Variants in PDGFD observed in about 807,000 individuals in gnomAD.
The protein encoded by PDGFD is platelet-derived growth factor D.
Under a neutral mutation model 44.7 loss-of-function variants are expected in PDGFD, and 30 were observed. The ratio of observed to expected loss-of-function variants is 0.67; its 90% confidence interval spans 0.50 to 0.91. The LOEUF (loss-of-function observed/expected upper bound fraction) is 0.91. Among genes scored for constraint, PDGFD ranks in the 40% least tolerant of loss-of-function variants. The pLI, the probability that PDGFD is intolerant of heterozygous loss-of-function variation, is 0.00. For missense variants in PDGFD, 445 were observed against 457.8 expected (o/e 0.97, Z 0.25); for synonymous variants, 173 against 168.4 (o/e 1.03, Z -0.21).
chr11:103,954,408 G>A (rs1357788518), intron 3 of PDGFD, among the ~76,000 whole-genome samples: 2 of 152,182 alleles, frequency 1.3e-5, no homozygotes, highest in African/African-American at 4.8e-5. Context: ...AAACATTTGG[G>A]ATGATTAGTT....
At chr11:104,033,080 T>C (rs1487608741) in intron 1 of PDGFD, among the ~76,000 whole-genome samples, 4 of 148,946 alleles carry the variant, frequency 2.7e-5, no homozygotes, top group South Asian at 4.2e-4. Flanking sequence ...GTGTGTAATA[T>C]ATTTTATATA....
At chr11:104,019,589 A>T (rs1859919402) in intron 1 of PDGFD, among the ~76,000 whole-genome samples, 1 of 152,234 alleles carries the variant, frequency 6.6e-6, no homozygotes. Flanking sequence ...ACAAAGTGAG[A>T]TATATAGCTG....
At chr11:104,042,619 C>T (rs1441057128) in intron 1 of PDGFD, among the ~76,000 whole-genome samples, 1 of 152,140 alleles carries the variant, frequency 6.6e-6, no homozygotes, top group Non-Finnish European at 1.5e-5. Context: ...ATGTTAAAGT[C>T]CCTAGGAGGC....
chr11:104,035,042 A>G (rs1308246064), intron 1 of PDGFD, among the ~76,000 whole-genome samples: 3 of 151,850 alleles, frequency 2.0e-5, no homozygotes, highest in African/African-American at 7.3e-5. Context: ...ACAGCCTTGT[A>G]TGTGTGTGTG....
intron 1 of PDGFD, among the ~76,000 whole-genome samples, chr11:104,017,219 C>T (rs774238575): frequency 6.6e-6 from 1 of 152,196 alleles, no homozygotes; most frequent in Non-Finnish European, 1.5e-5. Context: ...ACTTCCCAGC[C>T]TGTAGAAATG....
At chr11:104,142,649 T>C (rs1862102575) in intron 1 of PDGFD, among the ~76,000 whole-genome samples, 1 of 152,200 alleles carries the variant, frequency 6.6e-6, no homozygotes, top group Non-Finnish European at 1.5e-5. Flanking sequence ...TAAATGAGAA[T>C]TGGAGATGTG....
At chr11:103,952,941 T>C (rs1009968347) in intron 3 of PDGFD, among the ~76,000 whole-genome samples, 1 of 152,208 alleles carries the variant, frequency 6.6e-6, no homozygotes. Context: ...ACTTTCTAAA[T>C]AGTTTAGGAT....
intron 3 of PDGFD, among the ~76,000 whole-genome samples, chr11:103,983,568 T>C (rs1409950898): frequency 1.3e-5 from 2 of 151,534 alleles, no homozygotes; most frequent in Admixed American, 6.6e-5. Context: ...CATTGGCAAA[T>C]GGGATTTAAT....
intron 3 of PDGFD, among the ~76,000 whole-genome samples, chr11:103,974,240 C>A (rs976164274): frequency 5.3e-5 from 8 of 152,094 alleles, no homozygotes; most frequent in African/African-American, 1.9e-4. Context: ...AATGCCTATA[C>A]CTTCATTCCC....
intron 1 of PDGFD, among the ~76,000 whole-genome samples, chr11:104,105,252 A>G (rs1250271913): frequency 3.3e-5 from 5 of 152,058 alleles, no homozygotes; most frequent in Non-Finnish European, 7.4e-5. Context: ...GCTGAGCAAG[A>G]AGGAGGGAAG....
chr11:104,011,272 G>A (rs180780246), intron 1 of PDGFD, among the ~76,000 whole-genome samples: 5 of 152,124 alleles, frequency 3.3e-5, no homozygotes, highest in Admixed American at 1.3e-4. Flanking sequence ...AAATTCCCAG[G>A]AGAAAGCTGA....
At chr11:104,100,850 C>G (rs1308969232) in intron 1 of PDGFD, among the ~76,000 whole-genome samples, 3 of 152,078 alleles carry the variant, frequency 2.0e-5, no homozygotes, top group Non-Finnish European at 4.4e-5. Context: ...ACGACAAAAA[C>G]CACATGATTA....
chr11:103,927,332 CA>C (rs1314741184), intron 5 of PDGFD, among the ~76,000 whole-genome samples: 1 of 152,086 alleles, frequency 6.6e-6, no homozygotes, highest in Non-Finnish European at 1.5e-5. Context: ...AAAATAACAA[CA>C]AAAACAAAAC....
chr11:104,110,956 T>C (rs11226168), intron 1 of PDGFD, among the ~76,000 whole-genome samples: 15,697 of 152,198 alleles, frequency 0.1, 963 homozygotes, highest in East Asian at 0.32. Flanking sequence ...AAAATGTTTT[T>C]TTGTCCTAGT....
At chr11:104,114,052 G>A (rs1861598273) in intron 1 of PDGFD, among the ~76,000 whole-genome samples, 1 of 151,872 alleles carries the variant, frequency 6.6e-6, no homozygotes, top group Non-Finnish European at 1.5e-5. Flanking sequence ...ATTTGTCTTT[G>A]CATTCTCTTT....
chr11:104,036,927 AGC>A (rs758260985), intron 1 of PDGFD: 3 of 1,614,186 alleles, frequency 1.9e-6, no homozygotes, highest in African/African-American at 2.7e-5. Context: ...TCCTCTGCGA[AGC>A]GGAGTCCAGA....
At chr11:104,127,525 A>G (rs1204870346) in intron 1 of PDGFD, among the ~76,000 whole-genome samples, 4 of 152,268 alleles carry the variant, frequency 2.6e-5, no homozygotes, top group African/African-American at 9.6e-5. Flanking sequence ...CACATGTATT[A>G]CATTTTAAAC....
chr11:104,055,625 A>G (rs68152835), intron 1 of PDGFD, among the ~76,000 whole-genome samples: 36,755 of 152,100 alleles, frequency 0.24, 4,926 homozygotes, highest in Non-Finnish European at 0.3. Flanking sequence ...AACCTAAAAC[A>G]CACTATTAAG....
chr11:103,977,502 C>T (rs1259365422), intron 3 of PDGFD, among the ~76,000 whole-genome samples: 2 of 151,912 alleles, frequency 1.3e-5, no homozygotes, highest in Non-Finnish European at 2.9e-5. Flanking sequence ...CCATGATCAA[C>T]TGTTCATGCA....
Sources: gnomAD v4.1 joint callset for allele counts (sites outside exome capture counted in the v4.1 genomes callset) on GRCh38, gnomAD v4.1.1 for gene constraint, MANE v1.5 for transcripts, NCBI Gene and HGNC (gene_info 2026-07-23, HGNC 2026-07-21) for gene names.